Variants in DOCK3 observed in about 807,000 individuals in gnomAD.
DOCK3 encodes dedicator of cytokinesis protein 3.
A neutral mutation model predicts 265.6 loss-of-function variants in DOCK3; 60 were observed. The observed-to-expected ratio is 0.23, with a 90% confidence interval of 0.18 to 0.28. The LOEUF (loss-of-function observed/expected upper bound fraction) is 0.28. Among genes scored for constraint, DOCK3 ranks in the 10% least tolerant of loss-of-function variants. The pLI is 1.00. For synonymous variants in DOCK3, 881 were observed against 938.0 expected (o/e 0.94, Z 1.11); for missense variants, 1,981 against 2,594.3 (o/e 0.76, Z 5.14).
chr3:51,237,713 A>C lies in DOCK3; in HGVS notation c.2102+123A>C, dbSNP rs571505779. 157 of 840,686 alleles carry C rather than the reference A, an allele frequency of 1.9e-4. 2 individuals are homozygous for C. In the South Asian group the frequency reaches 2.5e-3, roughly 13 times the overall value. 52.1% of individuals were successfully genotyped at this position (840,686 alleles called of 1,614,324 possible). ...GACTTTTTAAAAATTTTATATTTTT[A>C]ATTGTGATAAAATACACATAACACA... On this transcript the variant is annotated intron_variant, in intron 21 of 52. Transcript: ENST00000266037.
At chr3:51,157,726 A>G (rs1302450709) in intron 10 of DOCK3, among the ~76,000 whole-genome samples, 8 of 151,950 alleles carry the variant, frequency 5.3e-5, no homozygotes, top group Non-Finnish European at 2.9e-5. Flanking sequence ...AACAGGGTTT[A>G]CAAATTAAGA....
At chr3:50,751,549 A>C (rs928774039) in intron 1 of DOCK3, among the ~76,000 whole-genome samples, 1 of 152,226 alleles carries the variant, frequency 6.6e-6, no homozygotes, top group African/African-American at 2.4e-5. Context: ...CAGCTTATGT[A>C]AATGTTAACT....
chr3:51,171,514 C>T (rs946113791), intron 12 of DOCK3, among the ~76,000 whole-genome samples: 34 of 151,944 alleles, frequency 2.2e-4, no homozygotes, highest in African/African-American at 6.8e-4. Flanking sequence ...CATGAGATCA[C>T]GACCATCCTG....
chr3:50,929,078 A>G (rs1019017133), intron 4 of DOCK3, among the ~76,000 whole-genome samples: 3 of 152,202 alleles, frequency 2.0e-5, no homozygotes, highest in Admixed American at 1.3e-4. Context: ...TTCAACTTAC[A>G]GTGGGTTTAT....
At chr3:50,824,752 T>A (rs899700840) in intron 2 of DOCK3, among the ~76,000 whole-genome samples, 1 of 152,214 alleles carries the variant, frequency 6.6e-6, no homozygotes, top group African/African-American at 2.4e-5. Context: ...ACATAGCTAT[T>A]TTTTCATGTA....
intron 9 of DOCK3, among the ~76,000 whole-genome samples, chr3:51,107,812 A>G (rs1354806079): frequency 6.6e-6 from 1 of 152,208 alleles, no homozygotes; most frequent in African/African-American, 2.4e-5. Context: ...GAGGGCCAAC[A>G]TTCAAATTCA....
At chr3:51,362,780 T>A in intron 49 of DOCK3, 106 bp downstream of exon 49, 2 of 1,441,428 alleles carry the variant, frequency 1.4e-6, no homozygotes, top group Non-Finnish European at 9.3e-7. Flanking sequence ...CCCTGTGACT[T>A]AGAGAATACT....
At chr3:51,211,448 A>G (rs1252581346) in intron 13 of DOCK3, among the ~76,000 whole-genome samples, 2 of 152,022 alleles carry the variant, frequency 1.3e-5, no homozygotes, top group East Asian at 3.9e-4. Flanking sequence ...TACATGTGCC[A>G]TGTTGGTGTG....
intron 32 of DOCK3, among the ~76,000 whole-genome samples, chr3:51,328,301 A>G (rs1193143106): frequency 6.6e-6 from 1 of 152,056 alleles, no homozygotes. Flanking sequence ...CTATACCACC[A>G]TGTGTGAAGA....
chr3:51,246,625 C>A, intron 21 of DOCK3, 101 bp from the exon 22 acceptor site: 1 of 1,066,904 alleles, frequency 9.4e-7, no homozygotes, highest in Non-Finnish European at 1.4e-6. Flanking sequence ...AGCTCATCAG[C>A]AGAATATTAT....
rs2086591379 is a variant in DOCK3 at position 51,359,587 on chromosome 3, G to A, written c.4885-924G>A. Among the ~76,000 whole-genome samples, 1 of 152,196 alleles carries A rather than the reference G, an allele frequency of 6.6e-6. No individual in the cohort carries two copies. The highest frequency in any genetic ancestry group is 1.5e-5 in the Non-Finnish European group (1 of 68,034). On this transcript the variant is annotated intron_variant, in intron 46 of 52. Transcript: ENST00000266037. The surrounding 1 kb of genome is among the most constrained non-coding windows in gnomAD (Gnocchi z 4.8). ...GCTGTGTGCAAACTTCCCCATCACAGCAGGTGACCCAAGCAGGCTGGAGCC... is the reference window on the plus strand; with the variant it reads ...GCTGTGTGCAAACTTCCCCATCACAACAGGTGACCCAAGCAGGCTGGAGCC...
At chr3:50,676,691 G>C (rs1382722522) in intron 1 of DOCK3, among the ~76,000 whole-genome samples, 6 of 151,180 alleles carry the variant, frequency 4.0e-5, no homozygotes, top group African/African-American at 1.5e-4. Flanking sequence ...TTTTTTGGAG[G>C]GGGGAGGAGC....
At chr3:50,967,815 C>G (rs1423516897) in intron 5 of DOCK3, among the ~76,000 whole-genome samples, 1 of 152,164 alleles carries the variant, frequency 6.6e-6, no homozygotes, top group African/African-American at 2.4e-5. Flanking sequence ...CTGCTGGTCC[C>G]TCCCATGACA....
chr3:51,125,812 G>A (rs933231790), intron 9 of DOCK3, among the ~76,000 whole-genome samples: 1 of 152,118 alleles, frequency 6.6e-6, no homozygotes, highest in East Asian at 1.9e-4. Context: ...AAATGTTCAC[G>A]TTGTGGCAAG....
chr3:51,278,421 A>G (rs772573136), intron 26 of DOCK3: 12 of 985,378 alleles, frequency 1.2e-5, no homozygotes, highest in Non-Finnish European at 1.4e-5. Context: ...TTTTCGTGGA[A>G]TCTTTCCATT....
chr3:51,299,974 A>G (rs1011106038), intron 27 of DOCK3, among the ~76,000 whole-genome samples: 1 of 152,216 alleles, frequency 6.6e-6, no homozygotes, highest in African/African-American at 2.4e-5. Flanking sequence ...TTTAATGGGA[A>G]TAGCATTGAA....
At chr3:51,175,027 G>A (rs1404342533) in intron 12 of DOCK3, among the ~76,000 whole-genome samples, 3 of 152,192 alleles carry the variant, frequency 2.0e-5, no homozygotes, top group African/African-American at 4.8e-5. Context: ...AGACTGTTGT[G>A]GCTCCCACTG....
chr3:50,777,895 GC>G (rs778043782), intron 1 of DOCK3, among the ~76,000 whole-genome samples: 3 of 152,188 alleles, frequency 2.0e-5, no homozygotes, highest in East Asian at 3.9e-4. Context: ...CAATCTGGAT[GC>G]CCTTTATTTC....
chr3:51,137,658 A>G (rs1055532232), intron 9 of DOCK3, among the ~76,000 whole-genome samples: 3 of 152,242 alleles, frequency 2.0e-5, no homozygotes, highest in Admixed American at 6.5e-5. Flanking sequence ...GACTTGTCAC[A>G]GATTGAAATT....
Sources: gnomAD v4.1 joint callset for allele counts (sites outside exome capture counted in the v4.1 genomes callset) on GRCh38, gnomAD v4.1.1 for gene constraint, Gnocchi (gnomAD v3.1) non-coding constraint, MANE v1.5 for transcripts, NCBI Gene and HGNC (gene_info 2026-07-23, HGNC 2026-07-21) for gene names.